NALCN: variants seen among roughly 807,000 people sequenced by gnomAD.
NALCN encodes the protein sodium leak channel, non-selective, also known as sodium leak channel NALCN.
A neutral mutation model predicts 225.3 loss-of-function variants in NALCN; 111 were observed. The ratio of observed to expected loss-of-function variants is 0.49; its 90% CI spans 0.42 to 0.58. The LOEUF (loss-of-function observed/expected upper bound fraction) is 0.58, where lower values mean the gene tolerates loss of function less well. Ranked by LOEUF, NALCN falls within the 20% of genes least tolerant of loss-of-function variation. The probability of loss-of-function intolerance (pLI) is 0.00; values close to 1 mark genes in which losing one functional copy is unlikely to be tolerated. For synonymous variants in NALCN, 764 were observed against 769.0 expected, an observed-to-expected ratio of 0.99 and a Z score of 0.11; for missense variants, 1,378 against 2,202.4, an observed-to-expected ratio of 0.63 and a Z score of 7.49.
intron 13 of NALCN, among the ~76,000 whole-genome samples, chr13:101,216,907 TAAG>T (rs1447700068): frequency 6.6e-5 from 10 of 152,286 alleles, no homozygotes; most frequent in African/African-American, 2.4e-4. Context: ...GAATGAAAAT[TAAG>T]AAAACCTATA....
intron 7 of NALCN, among the ~76,000 whole-genome samples, chr13:101,308,248 ATGGCTGCTCAG>A (rs1386190384): frequency 6.6e-6 from 1 of 152,184 alleles, no homozygotes; most frequent in Non-Finnish European, 1.5e-5. Context: ...TCCTGGGCGC[ATGGCTGCTCAG>A]TGAGGGAATA....
intron 39 of NALCN, 142 bp from the exon 40 acceptor site, chr13:101,065,703 G>A: frequency 1.0e-6 from 1 of 986,670 alleles, no homozygotes; most frequent in Non-Finnish European, 1.5e-6. Context: ...TCACCTCCTT[G>A]GAGCCTGGTA....
chr13:101,061,130 T>C (rs563926084), intron 41 of NALCN, among the ~76,000 whole-genome samples: 1 of 152,330 alleles, frequency 6.6e-6, no homozygotes, highest in Non-Finnish European at 1.5e-5. Flanking sequence ...AAACATTCAC[T>C]GTAAATACAG....
intron 6 of NALCN, among the ~76,000 whole-genome samples, chr13:101,360,173 CCTCTCTTCCTCTCTTCCTCT>C (rs2046201232): frequency 1.3e-5 from 1 of 78,558 alleles, no homozygotes; most frequent in African/African-American, 5.1e-5. Context: ...TCTCTTTCTT[CCTCTCTTCCTCTCTTCCTCT>C]CTCTCTCTCT....
At chr13:101,100,637 G>A in intron 27 of NALCN, 147 bp downstream of exon 27, 1 of 547,088 alleles carries the variant, frequency 1.8e-6, no homozygotes, top group Middle Eastern at 2.9e-4. Context: ...TTGGAGTACA[G>A]TGGTGAGATC....
intron 6 of NALCN, among the ~76,000 whole-genome samples, chr13:101,359,933 C>A (rs937046734): frequency 1.3e-5 from 2 of 152,062 alleles, no homozygotes; most frequent in African/African-American, 4.8e-5. Flanking sequence ...TTGAGAGGTA[C>A]CTTTTAAGTC....
At chr13:101,101,281 C>CTTTTTT (rs60948311) in intron 26 of NALCN, among the ~76,000 whole-genome samples, 13 of 112,370 alleles carry the variant, frequency 1.2e-4, no homozygotes, top group Non-Finnish European at 1.5e-4. Flanking sequence ...ATTTTTTTTT[C>CTTTTTT]TTTTTTTTTT....
At chr13:101,220,794 C>T (rs2140106947) in intron 13 of NALCN, among the ~76,000 whole-genome samples, 1 of 152,210 alleles carries the variant, frequency 6.6e-6, no homozygotes, top group South Asian at 2.1e-4. Context: ...AAAAAGCAGC[C>T]TTGCCATTTA....
intron 14 of NALCN, among the ~76,000 whole-genome samples, chr13:101,182,262 C>T (rs535565335): frequency 2.4e-4 from 37 of 151,996 alleles, no homozygotes; most frequent in African/African-American, 8.4e-4. Context: ...GAGAGAGCCA[C>T]GGCATGCCAG....
chr13:101,134,204 T>G (rs2036655278), intron 17 of NALCN, among the ~76,000 whole-genome samples: 1 of 152,122 alleles, frequency 6.6e-6, no homozygotes, highest in Non-Finnish European at 1.5e-5. Flanking sequence ...AGATTTCCTA[T>G]TGTAACTTAT....
intron 11 of NALCN, among the ~76,000 whole-genome samples, chr13:101,245,070 A>G (rs1288306529): frequency 6.6e-6 from 1 of 152,186 alleles, no homozygotes; most frequent in Admixed American, 6.5e-5. Context: ...GGCATTCAGC[A>G]GGCAGCCTGT....
chr13:101,183,750 C>T (rs572221400), intron 14 of NALCN, among the ~76,000 whole-genome samples: 49 of 152,156 alleles, frequency 3.2e-4, no homozygotes, highest in African/African-American at 5.1e-4. Flanking sequence ...GGAGCCACCA[C>T]GCCTGGCCCG....
chr13:101,322,395 A>G (rs1043653155), intron 7 of NALCN, among the ~76,000 whole-genome samples: 8 of 152,272 alleles, frequency 5.3e-5, no homozygotes, highest in African/African-American at 1.9e-4. Flanking sequence ...TAAGCAGTGT[A>G]TAACTTAATC....
intron 12 of NALCN, among the ~76,000 whole-genome samples, chr13:101,233,368 T>A (rs1444561519): frequency 7.1e-6 from 1 of 141,152 alleles, no homozygotes; most frequent in Non-Finnish European, 1.5e-5. Flanking sequence ...TGAGACGGAG[T>A]CTCCCTCTGT....
intron 17 of NALCN, among the ~76,000 whole-genome samples, chr13:101,136,127 G>A (rs926508362): frequency 1.3e-5 from 2 of 152,122 alleles, no homozygotes; most frequent in Non-Finnish European, 2.9e-5. Flanking sequence ...AGATGTGTTT[G>A]TTTACTCAGG....
chr13:101,062,885 G>A (rs1329003455), intron 40 of NALCN, among the ~76,000 whole-genome samples: 3 of 152,200 alleles, frequency 2.0e-5, no homozygotes, highest in Admixed American at 6.5e-5. Context: ...TTACAGGTGT[G>A]AGCCACCATG....
chr13:101,273,982 ATT>A (rs1287237051), intron 10 of NALCN, among the ~76,000 whole-genome samples: 9 of 152,066 alleles, frequency 5.9e-5, no homozygotes, highest in African/African-American at 2.2e-4. Flanking sequence ...GCAAATTTAC[ATT>A]ACAGGACACC....
chr13:101,241,680 T>C (rs889567646), intron 11 of NALCN, among the ~76,000 whole-genome samples: 1 of 152,136 alleles, frequency 6.6e-6, no homozygotes, highest in Non-Finnish European at 1.5e-5. Flanking sequence ...TGACCTCAAG[T>C]GATCCACCCA....
At chr13:101,103,402 GACAGCCGACTGGCC>G in intron 25 of NALCN, 63 bp from the exon 26 acceptor site, 2 of 1,524,522 alleles carry the variant, frequency 1.3e-6, no homozygotes, top group Non-Finnish European at 1.8e-6. Flanking sequence ...TACATTTTCT[GACAGCCGACTGGCC>G]ACAACTTTTC....
Sources: gnomAD v4.1 joint callset for allele counts (sites outside exome capture counted in the v4.1 genomes callset) on GRCh38, gnomAD v4.1.1 for gene constraint, MANE v1.5 for transcripts, NCBI Gene and HGNC (gene_info 2026-07-23, HGNC 2026-07-21) for gene names.